The following PCNX1 variants were observed in gnomAD, a reference collection of about 807,000 sequenced individuals.
PCNX1 encodes pecanex 1.
A neutral mutation model predicts 242.2 loss-of-function variants in PCNX1; 78 were observed. The observed-to-expected ratio is 0.32, with a 90% CI of 0.27 to 0.39. The LOEUF (loss-of-function observed/expected upper bound fraction) is 0.39, where lower values mean the gene tolerates loss of function less well. Among genes scored for constraint, PCNX1 ranks in the 10% least tolerant of loss-of-function variants. PCNX1 has a pLI of 1.00. For missense variants in PCNX1, 2,581 were observed against 2,856.5 expected (o/e 0.90, Z 2.20); for synonymous variants, 1,024 against 1,032.9 (o/e 0.99, Z 0.17).
intron 9 of PCNX1, among the ~76,000 whole-genome samples, chr14:71,010,510 A>T (rs10132984): frequency 0.56 from 84,757 of 151,798 alleles, 25,074 homozygotes; most frequent in East Asian, 0.74. Context: ...AGCTTCTTTT[A>T]TCCCCCCATC....
intron 31 of PCNX1, 105 bp from the exon 32 acceptor site, chr14:71,103,290 C>T: frequency 1.6e-6 from 2 of 1,259,524 alleles, no homozygotes; most frequent in Non-Finnish European, 2.2e-6. Flanking sequence ...CTTTTCACAA[C>T]TGGTTATCAT....
intron 33 of PCNX1, among the ~76,000 whole-genome samples, chr14:71,105,780 A>G (rs1318647908): frequency 6.6e-6 from 1 of 151,594 alleles, no homozygotes; most frequent in Non-Finnish European, 1.5e-5. Flanking sequence ...TGACCTCATG[A>G]TCTGCCCGTC....
intron 11 of PCNX1, among the ~76,000 whole-genome samples, chr14:71,015,901 A>T (rs748244049): frequency 9.2e-5 from 14 of 152,158 alleles, no homozygotes; most frequent in Non-Finnish European, 2.1e-4. Context: ...TACTTTAAAT[A>T]TAAAAACAGA....
rs1425990429 is a variant in PCNX1, at chr14:70,978,161, G to C, written c.1824G>C (p.Leu608Phe). ...AAGACTCTAGTGATCAGAGTGACTTGAGTAGAGCATCAAGTGTTCAGTCTG... is the reference window on the plus strand; with the variant it reads ...AAGACTCTAGTGATCAGAGTGACTTCAGTAGAGCATCAAGTGTTCAGTCTG... ...HDEDSSDQSDLSRASSVQSAH... is the reference protein window; with the variant it reads ...HDEDSSDQSDFSRASSVQSAH... Residue 608 changes from leucine (L) to phenylalanine (F), a missense_variant, in exon 6 of 36, where the codon TTG (leucine) becomes TTC (phenylalanine). By Grantham distance (22) the Leu-to-Phe change is conservative (BLOSUM62 0). Around this residue, in one of 9 missense-constraint regions of PCNX1, gnomAD observed 1,204 missense variants for 1,216.7 expected, o/e 0.99. Coordinates refer to ENST00000304743, the MANE Select transcript of PCNX1 (RefSeq NM_014982.3). 10 of 1,614,004 alleles carry C rather than the reference G, an allele frequency of 6.2e-6. No individual in the cohort carries two copies. The highest frequency in any genetic ancestry group is 7.6e-6 in the Non-Finnish European group (9 of 1,180,038).
At chr14:70,908,980 T>A (rs147948163) in intron 1 of PCNX1, among the ~76,000 whole-genome samples, 1 of 152,130 alleles carries the variant, frequency 6.6e-6, no homozygotes, top group Non-Finnish European at 1.5e-5. Context: ...TTTAAAGTAG[T>A]CAGAGGGGAG....
chr14:71,010,032 C>T (rs2059779733), intron 9 of PCNX1, among the ~76,000 whole-genome samples: 1 of 151,876 alleles, frequency 6.6e-6, no homozygotes, highest in African/African-American at 2.4e-5. Flanking sequence ...ATTGTAGTCA[C>T]CAGGTCAGAT....
intron 27 of PCNX1, among the ~76,000 whole-genome samples, chr14:71,074,068 T>C (rs545080987): frequency 6.6e-6 from 1 of 152,322 alleles, no homozygotes; most frequent in African/African-American, 2.4e-5. Flanking sequence ...CTAAGGAATA[T>C]GTACACACAA....
intron 32 of PCNX1, among the ~76,000 whole-genome samples, chr14:71,104,865 G>A (rs1236612888): frequency 6.6e-6 from 1 of 152,170 alleles, no homozygotes; most frequent in Admixed American, 6.5e-5. Flanking sequence ...GGTGGAGGTT[G>A]CAGTGAGCCG....
rs373465136 is a variant in PCNX1, at chr14:71,007,563, C to G, written c.2630-2071C>G. On this transcript the variant is annotated intron_variant, in intron 8 of 35. Transcript: ENST00000304743. ...CTTACTGAGTTTCATATGCAGTAAC[C>G]AAGCCCTCTTTGCTCTTTGTTAATC... 4.9e-4 allele frequency among the ~76,000 whole-genome samples: 74 copies of G among 152,176 alleles called. 1 individual carries two copies. In the South Asian group the frequency reaches 0.015, roughly 30 times the overall value.
In PCNX1 at chr14:70,978,171, T is replaced by C. The variant is rs773968355; in HGVS notation, c.1834T>C (p.Ser612Pro). 6.2e-7 allele frequency: 1 copy of C among 1,614,132 alleles called. No homozygotes were observed. The highest frequency in any genetic ancestry group is 8.5e-7 in the Non-Finnish European group (1 of 1,180,018). Reference sequence around the variant, plus strand: ...TGATCAGAGTGACTTGAGTAGAGCATCAAGTGTTCAGTCTGCTCACCAGTT... The same window carrying C: ...TGATCAGAGTGACTTGAGTAGAGCACCAAGTGTTCAGTCTGCTCACCAGTT... Reference protein sequence around the residue: ...SSDQSDLSRASSVQSAHQFSS... With the variant: ...SSDQSDLSRAPSVQSAHQFSS... Residue 612 changes from serine to proline, a missense_variant, in exon 6 of 36, where the codon TCA becomes CCA. By Grantham distance (74) the Ser-to-Pro change is moderately conservative (BLOSUM62 -1). Around this residue, in one of 9 missense-constraint regions of PCNX1, gnomAD observed 1,204 missense variants for 1,216.7 expected, o/e 0.99. Coordinates refer to ENST00000304743, the MANE Select transcript of PCNX1 (RefSeq NM_014982.3).
intron 30 of PCNX1, 91 bp downstream of exon 30, chr14:71,089,433 A>G: frequency 2.1e-6 from 2 of 954,936 alleles, no homozygotes; most frequent in Non-Finnish European, 3.1e-6. Context: ...ACGCTGCTGT[A>G]AGGAATACCC....
chr14:70,976,438 T>A (rs1045517972), intron 5 of PCNX1, among the ~76,000 whole-genome samples: 2 of 150,602 alleles, frequency 1.3e-5, no homozygotes, highest in African/African-American at 4.9e-5. Context: ...AGTGGTACGA[T>A]CTCGGCTCAC....
intron 26 of PCNX1, among the ~76,000 whole-genome samples, chr14:71,069,570 G>A (rs61990419): frequency 3.9e-5 from 6 of 151,902 alleles, no homozygotes; most frequent in African/African-American, 1.2e-4. Context: ...AGTAAGTATC[G>A]CAGTAAAGCA....
intron 30 of PCNX1, among the ~76,000 whole-genome samples, chr14:71,091,668 TAA>T (rs2062135199): frequency 6.6e-6 from 1 of 152,176 alleles, no homozygotes; most frequent in African/African-American, 2.4e-5. Flanking sequence ...AAATCTATTA[TAA>T]AAAGTTAAAA....
rs538759211 is a variant in PCNX1, at chr14:71,072,907, C to G, written c.4853-638C>G. ...TAACTCAGACCTTCAGGAGATGTGC[C>G]TTTACTCTTTGGTCCTTCATTTGAT... On this transcript the variant is annotated intron_variant, in intron 26 of 35. Transcript: ENST00000304743. Among the ~76,000 whole-genome samples, 15 of 152,300 alleles carry G rather than the reference C, an allele frequency of 9.8e-5. No individual in the cohort carries two copies. In the South Asian group the frequency reaches 2.3e-3, roughly 23 times the overall value.
In PCNX1 at chr14:71,111,268, T is replaced by G. The variant is rs913891611; in HGVS notation, c.*1333T>G. The G allele has an allele frequency of 2.6e-5, 4 of 152,646 alleles. No homozygotes were observed. The highest frequency in any genetic ancestry group is 5.9e-5 in the Non-Finnish European group (4 of 68,032). The allele number at this position is 152,646 out of a possible 1,614,324, so 9.5% of individuals were successfully genotyped here. ...TAGGAACTTCAATTTAGATTTAATTTGCAACTCTTAGCATTTTTTAAATCC... is the reference window on the plus strand; with the variant it reads ...TAGGAACTTCAATTTAGATTTAATTGGCAACTCTTAGCATTTTTTAAATCC... On this transcript the variant is annotated 3_prime_UTR_variant, in exon 36 of 36. Coordinates refer to ENST00000304743, the MANE Select transcript of PCNX1 (RefSeq NM_014982.3).
At position 70,968,234 on chromosome 14, in the gene PCNX1, A is replaced by G; in HGVS notation, c.505A>G (p.Thr169Ala). The G allele has an allele frequency of 1.2e-6, 2 of 1,612,850 alleles. No homozygotes were observed. Among genetic ancestry groups the G allele is most frequent in the Non-Finnish European group, 1.7e-6 (2 of 1,178,932 alleles). ...SGSSRLGTAATIKGDTDTAKT... is the reference protein window; with the variant it reads ...SGSSRLGTAAAIKGDTDTAKT... ...TTCCTCGCGTCTTGGAACAGCAGCA[A>G]CTATTAAAGGTAGGTGTGATCTAAC... Residue 169 changes from threonine (T) to alanine (A), a missense_variant, in exon 4 of 36, where the codon ACT (threonine) becomes GCT (alanine). Around this residue, in one of 9 missense-constraint regions of PCNX1, gnomAD observed 1,204 missense variants for 1,216.7 expected, o/e 0.99. Coordinates refer to ENST00000304743, the MANE Select transcript of PCNX1 (RefSeq NM_014982.3).
Position 71,026,800 on chromosome 14 carries a change from T to C in PCNX1, c.3384T>C (p.Phe1128=). Residue 1128 remains phenylalanine (F), a synonymous_variant, in exon 15 of 36, where the codon TTT becomes TTC. Coordinates refer to ENST00000304743, the MANE Select transcript of PCNX1 (RefSeq NM_014982.3). ...IVFTLCFPIV[F]FIGLLPQVNT... is the part of the protein sequence containing the mutation. ...TTACACTCTGTTTCCCAATAGTGTT[T>C]TTCATTGGTCTCCTGCCTCAGGTGA... is the stretch of plus-strand genomic sequence containing the variant. 6.4e-7 allele frequency: 1 copy of C among 1,552,322 alleles called. No homozygotes were observed. The highest frequency in any genetic ancestry group is 8.9e-7 in the Non-Finnish European group (1 of 1,125,410).
rs1595094269 is a variant in PCNX1, at chr14:70,971,387, A to G, written c.604+2277A>G. The stretch of plus-strand genomic sequence containing the variant: ...TCTCGATCTCCTGACCTCATGATCC[A>G]CCCGCCTCGGCCTCCCAAAGTGCTG... On this transcript the variant is annotated intron_variant, in intron 5 of 35. Transcript: ENST00000304743. Among the ~76,000 whole-genome samples, 5 of 12,510 alleles carry G rather than the reference A, an allele frequency of 4.0e-4. 2 individuals carry two copies. The South Asian group carries it at 0.021, about 52-fold the overall frequency. The allele number at this position is 12,510 out of a possible 152,430, so 8.2% of individuals were successfully genotyped here.
Sources: allele counts gnomAD v4.1 joint callset (sites outside exome capture counted in the v4.1 genomes callset), GRCh38; gene constraint gnomAD v4.1.1; regional missense constraint gnomAD v4.1.1; transcripts MANE v1.5; gene names NCBI Gene and HGNC (gene_info 2026-07-23, HGNC 2026-07-21).